Variants in NTM observed in about 807,000 individuals in gnomAD.
NTM encodes the protein neurotrimin, also known as IgLON family member 2.
NTM carries 13 observed loss-of-function variants against 42.1 expected under a neutral mutation model. The observed-to-expected ratio is 0.31, with a 90% CI of 0.20 to 0.49. The LOEUF is 0.49. Ranked by LOEUF, NTM falls within the 20% of genes least tolerant of loss-of-function variation. The probability of loss-of-function intolerance (pLI) is 0.99; values close to 1 mark genes in which losing one functional copy is unlikely to be tolerated. For synonymous variants in NTM, 187 were observed against 179.2 expected, an observed-to-expected ratio of 1.04 and a Z score of -0.35; for missense variants, 373 against 452.8, an observed-to-expected ratio of 0.82 and a Z score of 1.60.
chr11:131,897,813 G>T (rs2052541753), intron 1 of NTM, among the ~76,000 whole-genome samples: 1 of 152,166 alleles, frequency 6.6e-6, no homozygotes, highest in Non-Finnish European at 1.5e-5. Flanking sequence ...ACAAAGGAAA[G>T]AGATAATTAT....
chr11:131,533,591 C>T (rs995732829), intron 1 of NTM, among the ~76,000 whole-genome samples: 10 of 152,202 alleles, frequency 6.6e-5, no homozygotes, highest in Non-Finnish European at 1.0e-4. Context: ...TTCAAATCCT[C>T]ACCTGCCCGT....
At chr11:132,050,230 AG>A (rs1325861185) in intron 2 of NTM, among the ~76,000 whole-genome samples, 1 of 152,168 alleles carries the variant, frequency 6.6e-6, no homozygotes, top group Non-Finnish European at 1.5e-5. Flanking sequence ...GCAAGCTAAT[AG>A]TTACCCAGCC....
At chr11:131,531,263 G>A (rs1322287005) in intron 1 of NTM, among the ~76,000 whole-genome samples, 1 of 152,122 alleles carries the variant, frequency 6.6e-6, no homozygotes, top group Non-Finnish European at 1.5e-5. Flanking sequence ...AGCCTCCTGA[G>A]AAATAGCTGG....
chr11:132,145,960 C>G (rs967828710), intron 2 of NTM, among the ~76,000 whole-genome samples: 6 of 152,166 alleles, frequency 3.9e-5, no homozygotes, highest in African/African-American at 1.4e-4. Flanking sequence ...CACCCAAATC[C>G]TTGAGCAAAG....
intron 1 of NTM, among the ~76,000 whole-genome samples, chr11:131,863,311 G>T (rs1271067327): frequency 1.3e-5 from 2 of 152,156 alleles, no homozygotes; most frequent in Non-Finnish European, 2.9e-5. Context: ...TCATCCAGGT[G>T]TTGTTGATGT....
intron 1 of NTM, among the ~76,000 whole-genome samples, chr11:131,899,881 G>A (rs1042356030): frequency 1.3e-5 from 2 of 152,036 alleles, no homozygotes; most frequent in South Asian, 2.1e-4. Flanking sequence ...CATGTTCCTC[G>A]TTTGTAGAGA....
chr11:132,329,967 A>T, intron 7 of NTM, 186 bp from the exon 8 acceptor site: 1 of 505,300 alleles, frequency 2.0e-6, no homozygotes. Context: ...CAAGTAAACC[A>T]GAAAACCAGA....
At chr11:132,272,061 G>A (rs1043478713) in intron 4 of NTM, among the ~76,000 whole-genome samples, 1 of 152,006 alleles carries the variant, frequency 6.6e-6, no homozygotes, top group East Asian at 1.9e-4. Context: ...TTAGTATGTA[G>A]TAAGATACAA....
At chr11:131,922,133 G>T (rs2057316151) in intron 2 of NTM, 1 of 152,556 alleles carries the variant, frequency 6.6e-6, no homozygotes, top group South Asian at 2.1e-4. Flanking sequence ...GTCCTCAAAA[G>T]TGGCTGTTTT....
chr11:132,263,162 G>T (rs1482156571), intron 4 of NTM, among the ~76,000 whole-genome samples: 3 of 152,160 alleles, frequency 2.0e-5, no homozygotes, highest in African/African-American at 4.8e-5. Flanking sequence ...CCACAGTTCT[G>T]CAGGGCAGGG....
intron 4 of NTM, among the ~76,000 whole-genome samples, chr11:132,305,908 C>T (rs757425685): frequency 6.6e-6 from 1 of 152,162 alleles, no homozygotes; most frequent in Non-Finnish European, 1.5e-5. Flanking sequence ...TGAAGAGGTT[C>T]CTTCTTTGTC....
chr11:131,873,598 ACATATATATATAC>A (rs2048073455), intron 1 of NTM, among the ~76,000 whole-genome samples: 1 of 74,848 alleles, frequency 1.3e-5, no homozygotes, highest in African/African-American at 4.8e-5. Context: ...GTATATATAT[ACATATATATATAC>A]CGTATATATA....
chr11:131,773,851 C>T (rs1016988157), intron 1 of NTM: 7 of 219,376 alleles, frequency 3.2e-5, no homozygotes, highest in East Asian at 1.8e-4. Context: ...GACTAAGCAG[C>T]GCATGATCTT....
chr11:131,957,608 C>T lies in NTM; in HGVS notation c.167+45960C>T, dbSNP rs564810928. Among the ~76,000 whole-genome samples, 64 of 152,330 alleles carry T rather than the reference C, an allele frequency of 4.2e-4. No individual in the cohort carries two copies. In the South Asian group the frequency reaches 7.9e-3, roughly 19 times the overall value. ...TTTATTTTATTGTCATTTATTCCCACAGACAATACACATAAAAATAAAGGT... is the reference window on the plus strand; with the variant it reads ...TTTATTTTATTGTCATTTATTCCCATAGACAATACACATAAAAATAAAGGT... On this transcript the variant is annotated intron_variant, in intron 2 of 8. Transcript: ENST00000683400.
At chr11:131,964,068 T>G (rs2062537460) in intron 2 of NTM, among the ~76,000 whole-genome samples, 1 of 152,176 alleles carries the variant, frequency 6.6e-6, no homozygotes, top group Non-Finnish European at 1.5e-5. Context: ...AAAGATGAAC[T>G]GGGGACATCT....
intron 2 of NTM, among the ~76,000 whole-genome samples, chr11:131,924,815 C>T (rs1274768167): frequency 6.6e-6 from 1 of 152,216 alleles, no homozygotes; most frequent in Non-Finnish European, 1.5e-5. Flanking sequence ...GTTACAATAG[C>T]TAGCATTATC....
intron 4 of NTM, among the ~76,000 whole-genome samples, chr11:132,266,801 A>G (rs1200446524): frequency 2.0e-5 from 3 of 152,330 alleles, no homozygotes; most frequent in East Asian, 1.9e-4. Context: ...GTGTGTGTAG[A>G]TGGAATTTGC....
chr11:132,235,487 T>C (rs1229200012), intron 4 of NTM, among the ~76,000 whole-genome samples: 1 of 152,194 alleles, frequency 6.6e-6, no homozygotes, highest in Non-Finnish European at 1.5e-5. Flanking sequence ...TGTAGTACTT[T>C]TGGTAGCACT....
chr11:131,819,581 G>A (rs1189521350), intron 1 of NTM, among the ~76,000 whole-genome samples: 1 of 152,100 alleles, frequency 6.6e-6, no homozygotes, highest in African/African-American at 2.4e-5. Context: ...CAGGCTGTTG[G>A]CACACCAGAG....
Sources: gnomAD v4.1 joint callset for allele counts (sites outside exome capture counted in the v4.1 genomes callset) on GRCh38, gnomAD v4.1.1 for gene constraint, MANE v1.5 for transcripts, NCBI Gene and HGNC (gene_info 2026-07-23, HGNC 2026-07-21) for gene names.